PDXDC1: variants seen among roughly 807,000 people sequenced by gnomAD.
PDXDC1 encodes the protein pyridoxal-dependent decarboxylase domain-containing protein 1.
In PDXDC1, 42 loss-of-function variants were observed where a neutral mutation model predicts 100.1. The ratio of observed to expected loss-of-function variants is 0.42; its 90% CI spans 0.33 to 0.54. The LOEUF (loss-of-function observed/expected upper bound fraction) is 0.54. PDXDC1 is among the 20% of genes least tolerant of loss of function. PDXDC1 has a pLI of 0.10. For missense variants in PDXDC1, 636 were observed against 979.2 expected (o/e 0.65, Z 4.68); for synonymous variants, 260 against 371.7 (o/e 0.70, Z 3.46).
intron 13 of PDXDC1, among the ~76,000 whole-genome samples, chr16:15,023,882 T>G (rs2042387196): frequency 1.3e-5 from 2 of 152,296 alleles, no homozygotes; most frequent in South Asian, 4.1e-4. Context: ...TCATTTTCTT[T>G]CCAAGCTTGA....
Position 15,125,383 on chromosome 16 carries a change from C to T in PDXDC1, c.1400-13496C>T, listed in dbSNP as rs557920968. The stretch of plus-strand genomic sequence containing the variant: ...GGATGTGTCACACACACAGCCCACC[C>T]CCGTCCAGTCACGCACGGACACCCT... On this transcript the variant is annotated intron_variant, in intron 16 of 16. Transcript: ENST00000535621. 8.5e-5 allele frequency: 62 copies of T among 732,310 alleles called. 1 individual carries two copies. In the East Asian group the frequency reaches 1.5e-3, roughly 18 times the overall value. 45.4% of individuals were successfully genotyped at this position (732,310 alleles called of 1,614,324 possible).
intron 16 of PDXDC1, chr16:15,061,579 C>A: frequency 1.9e-6 from 1 of 523,196 alleles, no homozygotes; most frequent in East Asian, 3.0e-5. Flanking sequence ...CAAAAAAACC[C>A]AGTCTTCAGA....
At chr16:15,033,045 C>G in intron 18 of PDXDC1, 66 bp downstream of exon 18, 1 of 1,104,948 alleles carries the variant, frequency 9.1e-7, no homozygotes, top group Non-Finnish European at 1.4e-6. Flanking sequence ...GCTTTGAAGA[C>G]GACGGCTCAT....
intron 16 of PDXDC1, chr16:15,130,685 C>G (rs749767991): frequency 1.4e-6 from 2 of 1,446,508 alleles, no homozygotes; most frequent in Non-Finnish European, 9.5e-7. Flanking sequence ...CCTGGAGGGA[C>G]TCTGGGCGGA....
At chr16:15,135,375 T>C in intron 16 of PDXDC1, 1 of 1,523,032 alleles carries the variant, frequency 6.6e-7, no homozygotes, top group Non-Finnish European at 8.9e-7. Flanking sequence ...CGTGGAATGG[T>C]GACCGTGCTG....
intron 16 of PDXDC1, among the ~76,000 whole-genome samples, chr16:15,068,925 T>A (rs2045100425): frequency 2.6e-5 from 4 of 152,304 alleles, no homozygotes; most frequent in Non-Finnish European, 1.5e-5. Context: ...TTGATACGTA[T>A]TTCAATAAAA....
At chr16:15,066,866 G>A (rs527641508) in intron 16 of PDXDC1, among the ~76,000 whole-genome samples, 2 of 151,688 alleles carry the variant, frequency 1.3e-5, no homozygotes, top group Non-Finnish European at 2.9e-5. Flanking sequence ...CCTGCTCTTA[G>A]CCTCACATCG....
chr16:15,030,364 G>A lies in PDXDC1; in HGVS notation c.1399+308G>A, dbSNP rs555960823. Among the ~76,000 whole-genome samples the A allele has an allele frequency of 9.9e-5, 15 of 152,234 alleles. No individual in the cohort carries two copies. The East Asian group carries it at 2.9e-3, about 30-fold the overall frequency. On this transcript the variant is annotated intron_variant, in intron 16 of 22. Transcript: ENST00000396410. ...GTTCGAGACCAGCCTGGCCAACATA[G>A]TGAAATCCCGCCCCTACTAAGAATA...
At chr16:15,074,943 T>C in intron 16 of PDXDC1, 1 of 1,350,920 alleles carries the variant, frequency 7.4e-7, no homozygotes, top group Admixed American at 2.4e-5. Context: ...TAAGTGATTA[T>C]TTCCCTTAAA....
chr16:15,128,100 T>C (rs9923527), intron 16 of PDXDC1: 1,339,650 of 1,606,454 alleles, frequency 0.83, 561,822 homozygotes, highest in Admixed American at 0.9. Context: ...AGGTCCCTGA[T>C]GATGACGTGC....
intron 1 of PDXDC1, among the ~76,000 whole-genome samples, chr16:14,979,693 CCTGAG>C: frequency 6.6e-6 from 1 of 152,284 alleles, no homozygotes; most frequent in East Asian, 1.9e-4. Context: ...TTGAACTCAT[CCTGAG>C]CTAAGTGTTT....
intron 16 of PDXDC1, chr16:15,076,376 T>C (rs1034234698): frequency 2.4e-5 from 15 of 615,332 alleles, no homozygotes; most frequent in Non-Finnish European, 3.2e-5. Context: ...GCCTTGGAAA[T>C]AGACCAACTA....
downstream of PDXDC1, among the ~76,000 whole-genome samples, chr16:15,042,743 T>TATTTATTG (rs1051851732): frequency 2.7e-5 from 4 of 148,766 alleles, no homozygotes; most frequent in South Asian, 8.4e-4. Context: ...TTTATTTATT[T>TATTTATTG]ATTTATTGAG....
intron 16 of PDXDC1, among the ~76,000 whole-genome samples, chr16:15,030,999 T>C (rs1270960788): frequency 1.3e-5 from 2 of 151,934 alleles, no homozygotes; most frequent in East Asian, 1.9e-4. Context: ...TCACCCTGGC[T>C]GGAATGCAGT....
intron 16 of PDXDC1, among the ~76,000 whole-genome samples, chr16:15,085,930 A>C (rs577985110): frequency 6.6e-6 from 1 of 152,308 alleles, no homozygotes; most frequent in South Asian, 2.1e-4. Context: ...CAATAAAGCA[A>C]ATAAATTCAT....
At chr16:15,020,515 CCT>C (rs1269441352) in intron 12 of PDXDC1, among the ~76,000 whole-genome samples, 1 of 151,884 alleles carries the variant, frequency 6.6e-6, no homozygotes, top group Non-Finnish European at 1.5e-5. Flanking sequence ...ACGGTGAAAC[CCT>C]GTCTCTAATA....
chr16:15,133,455 C>T, intron 16 of PDXDC1: 4 of 912,366 alleles, frequency 4.4e-6, no homozygotes, highest in South Asian at 4.2e-5. Flanking sequence ...GAGCAGGTGG[C>T]AGTCTCGGGG....
At chr16:15,056,039 C>G in intron 16 of PDXDC1, 1 of 681,372 alleles carries the variant, frequency 1.5e-6, no homozygotes, top group Admixed American at 5.4e-5. Flanking sequence ...CCGGGCCGCC[C>G]GCCGCCCCCG....
chr16:15,141,563 G>A (rs371514700), downstream of PDXDC1, among the ~76,000 whole-genome samples: 1 of 152,200 alleles, frequency 6.6e-6, no homozygotes, highest in South Asian at 2.1e-4. Flanking sequence ...GGAGGGGAGA[G>A]GATCTGGGGG....
Sources: allele counts gnomAD v4.1 joint callset (sites outside exome capture counted in the v4.1 genomes callset), GRCh38; gene constraint gnomAD v4.1.1; transcripts MANE v1.5; gene names NCBI Gene and HGNC (gene_info 2026-07-23, HGNC 2026-07-21).